The following RBFOX1 variants were observed in gnomAD, a reference collection of about 807,000 sequenced individuals.
RBFOX1 encodes the protein RNA binding fox-1 homolog 1.
A neutral mutation model predicts 57.7 loss-of-function variants in RBFOX1; 8 were observed. That is an observed-to-expected ratio of 0.14 (90% CI 0.08 to 0.25). RBFOX1 has a LOEUF of 0.25. RBFOX1 is among the 10% of genes least tolerant of loss of function. The probability of loss-of-function intolerance (pLI) is 1.00; values close to 1 mark genes in which losing one functional copy is unlikely to be tolerated. For synonymous variants in RBFOX1, 326 were observed against 222.4 expected (o/e 1.47, Z -4.15); for missense variants, 611 against 548.5 (o/e 1.11, Z -1.14).
intron 3 of RBFOX1, among the ~76,000 whole-genome samples, chr16:7,021,933 T>C (rs1473359769): frequency 3.4e-5 from 5 of 147,746 alleles, no homozygotes; most frequent in Admixed American, 3.4e-4. Flanking sequence ...TTCTTTATTT[T>C]CTTTTCTTTC....
intron 2 of RBFOX1, among the ~76,000 whole-genome samples, chr16:6,413,722 C>T (rs1415277622): frequency 6.6e-6 from 1 of 152,160 alleles, no homozygotes; most frequent in Admixed American, 6.5e-5. Context: ...AAGAACAAGA[C>T]CACATGAAGG....
chr16:5,955,413 A>T (rs1597949252), intron 4 of RBFOX1, among the ~76,000 whole-genome samples: 1 of 60,994 alleles, frequency 1.6e-5, no homozygotes, highest in Non-Finnish European at 4.0e-5. Flanking sequence ...AAATAAAATA[A>T]AAGTCTTTCC....
At position 7,151,647 on chromosome 16, in the gene RBFOX1, C is replaced by G. The variant is rs190571740; in HGVS notation, c.27+99549C>G. 4.6e-5 allele frequency among the ~76,000 whole-genome samples: 7 copies of G among 152,202 alleles called. No individual in the cohort carries two copies. The East Asian group carries it at 9.7e-4, about 21-fold the overall frequency. ...TTAAGTCCTTTACATTTATTGTGCA[C>G]TTTATTTCTATTATTATTACATTGT... On this transcript the variant is annotated intron_variant, in intron 4 of 15. Coordinates refer to ENST00000550418, the MANE Select transcript of RBFOX1 (RefSeq NM_018723.4).
chr16:7,687,832 A>C (rs1005533522), intron 14 of RBFOX1, among the ~76,000 whole-genome samples: 1 of 152,032 alleles, frequency 6.6e-6, no homozygotes, highest in African/African-American at 2.4e-5. Flanking sequence ...GAGGCAAGAT[A>C]CATATGTTCA....
intron 2 of RBFOX1, among the ~76,000 whole-genome samples, chr16:6,646,296 T>C (rs978096225): frequency 1.3e-5 from 2 of 152,134 alleles, no homozygotes; most frequent in East Asian, 1.9e-4. Flanking sequence ...CAGAAGCAAA[T>C]GCAGTCCCCT....
chr16:5,911,940 G>A (rs923979920), intron 4 of RBFOX1, among the ~76,000 whole-genome samples: 2 of 152,130 alleles, frequency 1.3e-5, no homozygotes, highest in Admixed American at 6.6e-5. Flanking sequence ...ATTTTGAGGG[G>A]ACACAAACAT....
intron 1 of RBFOX1, among the ~76,000 whole-genome samples, chr16:6,049,758 T>G (rs900366904): frequency 1.3e-5 from 2 of 152,208 alleles, no homozygotes; most frequent in Non-Finnish European, 2.9e-5. Flanking sequence ...CAGAAGGCAC[T>G]GAGAATTTGC....
chr16:7,504,709 TTATATATATATATATATATATATA>T lies in RBFOX1; in HGVS notation c.28-13416_28-13393del, dbSNP rs1181491515. On this transcript the variant is annotated intron_variant, in intron 4 of 15. Coordinates refer to ENST00000550418, the MANE Select transcript of RBFOX1 (RefSeq NM_018723.4). ...TAGCTCCTGTGGAGATGAAGTGAGA[TTATATATATATATATATATATATA>T]TATATATATATATATATATATTTAT... Among the ~76,000 whole-genome samples the T allele has an allele frequency of 2.0e-4, 15 of 74,532 alleles. No individual in the cohort carries two copies. In the South Asian group the frequency reaches 3.3e-3, roughly 16 times the overall value. The allele number at this position is 74,532 out of a possible 152,430, so 48.9% of individuals were successfully genotyped here. A position where few individuals can be genotyped will look rare whatever the true frequency, so the allele number is the denominator to read the frequency against.
intron 3 of RBFOX1, among the ~76,000 whole-genome samples, chr16:7,036,266 A>G (rs922152081): frequency 2.0e-5 from 3 of 150,992 alleles, no homozygotes; most frequent in Admixed American, 6.6e-5. Context: ...GACATTCTCT[A>G]CAATGTGTAG....
chr16:6,606,311 C>T (rs541466898), intron 2 of RBFOX1, among the ~76,000 whole-genome samples: 16 of 152,192 alleles, frequency 1.1e-4, no homozygotes, highest in African/African-American at 3.1e-4. Context: ...TGTATCCAGA[C>T]ACATTTTTAT....
At chr16:7,356,943 T>C (rs1330400758) in intron 4 of RBFOX1, among the ~76,000 whole-genome samples, 1 of 152,164 alleles carries the variant, frequency 6.6e-6, no homozygotes, top group Non-Finnish European at 1.5e-5. Flanking sequence ...TGAGATCAAG[T>C]CTTGTTGCCT....
chr16:7,189,481 G>GACCC (rs78250878), intron 4 of RBFOX1, among the ~76,000 whole-genome samples: 34,788 of 140,334 alleles, frequency 0.25, 4,934 homozygotes, highest in African/African-American at 0.37. Flanking sequence ...CTCATAGGGA[G>GACCC]ACCCACACTG....
chr16:7,634,695 G>A (rs2061491346), intron 11 of RBFOX1, among the ~76,000 whole-genome samples: 1 of 151,996 alleles, frequency 6.6e-6, no homozygotes, highest in Non-Finnish European at 1.5e-5. Context: ...TCTTCCATCG[G>A]ACCCCAAATG....
At chr16:6,904,340 C>T (rs1385921840) in intron 3 of RBFOX1, among the ~76,000 whole-genome samples, 1 of 151,982 alleles carries the variant, frequency 6.6e-6, no homozygotes, top group Non-Finnish European at 1.5e-5. Context: ...CTGGCTCATG[C>T]CTGTAATCCC....
intron 4 of RBFOX1, among the ~76,000 whole-genome samples, chr16:7,267,190 G>C (rs1215234629): frequency 6.6e-6 from 1 of 152,086 alleles, no homozygotes; most frequent in African/African-American, 2.4e-5. Context: ...CTTGAGGTCA[G>C]GTGTTTGAGA....
intron 2 of RBFOX1, among the ~76,000 whole-genome samples, chr16:6,574,401 A>T (rs1438194327): frequency 3.4e-5 from 5 of 148,958 alleles, no homozygotes; most frequent in Non-Finnish European, 7.4e-5. Flanking sequence ...TCGGTGTAGC[A>T]AGGGTTTCTG....
chr16:6,883,083 TTAA>T (rs2063291108), intron 3 of RBFOX1, among the ~76,000 whole-genome samples: 1 of 152,206 alleles, frequency 6.6e-6, no homozygotes, highest in East Asian at 1.9e-4. Context: ...CAAACCATTA[TTAA>T]TGATGTAATT....
chr16:5,933,582 A>T (rs184085387), intron 4 of RBFOX1, among the ~76,000 whole-genome samples: 15 of 152,182 alleles, frequency 9.9e-5, no homozygotes, highest in African/African-American at 3.4e-4. Context: ...ATTGCCATTT[A>T]GGGAGGCCAA....
At chr16:7,104,120 C>G (rs904593053) in intron 4 of RBFOX1, among the ~76,000 whole-genome samples, 3 of 152,110 alleles carry the variant, frequency 2.0e-5, no homozygotes, top group Non-Finnish European at 2.9e-5. Context: ...AAATATGTAC[C>G]TATCTGTATC....
Sources: allele counts gnomAD v4.1 joint callset (sites outside exome capture counted in the v4.1 genomes callset), GRCh38; gene constraint gnomAD v4.1.1; transcripts MANE v1.5; gene names NCBI Gene and HGNC (gene_info 2026-07-23, HGNC 2026-07-21).